DOK6: variants seen among roughly 807,000 people sequenced by gnomAD.
DOK6 encodes docking protein 6.
A neutral mutation model predicts 44.0 loss-of-function variants in DOK6; 22 were observed. The observed-to-expected ratio is 0.50, with a 90% CI of 0.36 to 0.71. The LOEUF is 0.71. DOK6 is among the 30% of genes least tolerant of loss of function. DOK6 has a pLI of 0.00. For missense variants in DOK6, 340 were observed against 416.4 expected (o/e 0.82, Z 1.60); for synonymous variants, 166 against 145.5 (o/e 1.14, Z -1.01).
chr18:69,500,445 T>C (rs1568277683), intron 1 of DOK6, among the ~76,000 whole-genome samples: 1 of 152,098 alleles, frequency 6.6e-6, no homozygotes, highest in Non-Finnish European at 1.5e-5. Flanking sequence ...GCTCTCAGCT[T>C]CCTAACTTTA....
At chr18:69,759,476 G>A (rs915550939) in intron 7 of DOK6, among the ~76,000 whole-genome samples, 14 of 152,082 alleles carry the variant, frequency 9.2e-5, no homozygotes, top group African/African-American at 3.1e-4. Context: ...TACAAAAAAC[G>A]TGGGAATAGG....
At chr18:69,800,340 A>T (rs1329812049) in intron 7 of DOK6, among the ~76,000 whole-genome samples, 2 of 152,154 alleles carry the variant, frequency 1.3e-5, no homozygotes, top group African/African-American at 4.8e-5. Flanking sequence ...CAAAGAAGCT[A>T]AATCATCCTG....
intron 5 of DOK6, among the ~76,000 whole-genome samples, chr18:69,724,122 C>A (rs1332352928): frequency 1.3e-5 from 2 of 152,092 alleles, no homozygotes; most frequent in East Asian, 3.9e-4. Flanking sequence ...ATGAAAGCAG[C>A]AAGAGAGATT....
chr18:69,500,008 G>A (rs1981002745), intron 1 of DOK6, among the ~76,000 whole-genome samples: 1 of 152,070 alleles, frequency 6.6e-6, no homozygotes. Context: ...TATGTAAATG[G>A]ATAATATTAG....
At chr18:69,639,784 A>G (rs1402999436) in intron 3 of DOK6, among the ~76,000 whole-genome samples, 1 of 152,166 alleles carries the variant, frequency 6.6e-6, no homozygotes, top group East Asian at 1.9e-4. Flanking sequence ...AAGTCAACAG[A>G]GCATGAGACA....
At chr18:69,742,843 T>C (rs781542810) in intron 6 of DOK6, among the ~76,000 whole-genome samples, 19 of 152,238 alleles carry the variant, frequency 1.2e-4, no homozygotes, top group Non-Finnish European at 2.4e-4. Flanking sequence ...ATCACCATCA[T>C]TGAATTTTGC....
intron 1 of DOK6, among the ~76,000 whole-genome samples, chr18:69,415,603 G>A (rs1327312112): frequency 1.3e-5 from 2 of 152,100 alleles, no homozygotes; most frequent in South Asian, 2.1e-4. Context: ...GTCTGATACA[G>A]TGAGTGCATG....
At chr18:69,477,455 A>G (rs2144527484) in intron 1 of DOK6, among the ~76,000 whole-genome samples, 1 of 152,356 alleles carries the variant, frequency 6.6e-6, no homozygotes, top group South Asian at 2.1e-4. Flanking sequence ...ATAGCAATGG[A>G]AAACTTAAAG....
At chr18:69,556,341 C>A (rs947293150) in intron 1 of DOK6, among the ~76,000 whole-genome samples, 26 of 152,142 alleles carry the variant, frequency 1.7e-4, no homozygotes, top group African/African-American at 6.0e-4. Context: ...CCTCAGATGT[C>A]TGCATCACTC....
chr18:69,811,841 G>A (rs555302749), intron 7 of DOK6, among the ~76,000 whole-genome samples: 8 of 151,888 alleles, frequency 5.3e-5, no homozygotes, highest in Admixed American at 5.3e-4. Flanking sequence ...CAGATCTCCT[G>A]ATTTCCCTAA....
intron 7 of DOK6, among the ~76,000 whole-genome samples, chr18:69,822,783 G>GT (rs1981614516): frequency 1.3e-5 from 2 of 152,108 alleles, no homozygotes; most frequent in African/African-American, 4.8e-5. Context: ...CACTAAATCT[G>GT]CATCTGTTTA....
rs147024777 is a variant in DOK6 at position 69,522,208 on chromosome 18, CCA to C, written c.67-42265_67-42264del. Among the ~76,000 whole-genome samples the C allele has an allele frequency of 5.6e-3, 838 of 150,500 alleles. 5 individuals carry two copies. The highest frequency in any genetic ancestry group is 0.019 in the African/African-American group (781 of 41,120). ...CAGTATATTGTTGGTTCAAAACAAA[CCA>C]CACACACACACACCCACACACATAC... On this transcript the variant is annotated intron_variant, in intron 1 of 7. Transcript: ENST00000382713.
intron 6 of DOK6, among the ~76,000 whole-genome samples, chr18:69,753,227 G>T (rs568197642): frequency 6.6e-6 from 1 of 152,060 alleles, no homozygotes; most frequent in Non-Finnish European, 1.5e-5. Flanking sequence ...TTTATATATT[G>T]CCTAAATGGG....
In DOK6 at chr18:69,844,389, C is replaced by T. The variant is rs1982302348; in HGVS notation, c.*3006C>T. On this transcript the variant is annotated 3_prime_UTR_variant, in exon 8 of 8. Coordinates refer to ENST00000382713, the MANE Select transcript of DOK6 (RefSeq NM_152721.6). The stretch of plus-strand genomic sequence containing the variant: ...AAGGAATAGCAGTTCTGAAAATAGA[C>T]AAAGCCTAGAGGAGGTATCTATTTC... The T allele has an allele frequency of 6.6e-6, 1 of 152,096 alleles. No homozygotes were observed. Among genetic ancestry groups the T allele is most frequent in the South Asian group, 2.1e-4 (1 of 4,828 alleles). 9.4% of individuals were successfully genotyped at this position (152,096 alleles called of 1,614,324 possible). A position where few individuals can be genotyped will look rare whatever the true frequency, so the allele number is the denominator to read the frequency against.
chr18:69,716,176 A>G (rs921213089), intron 5 of DOK6, among the ~76,000 whole-genome samples: 15 of 152,212 alleles, frequency 9.9e-5, no homozygotes, highest in Non-Finnish European at 1.6e-4. Context: ...AGAGAGCAGC[A>G]TCAAACCCTC....
At chr18:69,550,491 G>A (rs887855344) in intron 1 of DOK6, among the ~76,000 whole-genome samples, 1 of 152,054 alleles carries the variant, frequency 6.6e-6, no homozygotes, top group Non-Finnish European at 1.5e-5. Flanking sequence ...GAGATTCCCT[G>A]GGTAAACAAC....
At chr18:69,763,311 G>A (rs909850389) in intron 7 of DOK6, among the ~76,000 whole-genome samples, 1 of 152,126 alleles carries the variant, frequency 6.6e-6, no homozygotes, top group Non-Finnish European at 1.5e-5. Context: ...GTATCATAAG[G>A]ATAGTTGATT....
At chr18:69,748,504 C>T (rs1018376950) in intron 6 of DOK6, among the ~76,000 whole-genome samples, 2 of 152,130 alleles carry the variant, frequency 1.3e-5, no homozygotes, top group Admixed American at 6.5e-5. Flanking sequence ...TGCAAAAGAA[C>T]TGAAATCATA....
intron 3 of DOK6, among the ~76,000 whole-genome samples, chr18:69,663,594 T>G (rs1337703338): frequency 3.9e-5 from 6 of 152,214 alleles, no homozygotes; most frequent in Non-Finnish European, 8.8e-5. Context: ...AAATGTTAAC[T>G]AAGAAATTGT....
Sources: gnomAD v4.1 joint callset for allele counts (sites outside exome capture counted in the v4.1 genomes callset) on GRCh38, gnomAD v4.1.1 for gene constraint, MANE v1.5 for transcripts, NCBI Gene and HGNC (gene_info 2026-07-23, HGNC 2026-07-21) for gene names.